The following CELF1 variants were observed in gnomAD, a reference collection of about 807,000 sequenced individuals.
CELF1 encodes the protein 50 kDa nuclear polyadenylated RNA-binding protein.
Under a neutral mutation model 61.8 loss-of-function variants are expected in CELF1, and 10 were observed. That is an observed-to-expected ratio of 0.16 (90% CI 0.10 to 0.27). The LOEUF is 0.27. Among genes scored for constraint, CELF1 ranks in the 10% least tolerant of loss-of-function variants. CELF1 has a pLI of 1.00. For missense variants in CELF1, 380 were observed against 639.1 expected (o/e 0.59, Z 4.37); for synonymous variants, 236 against 225.1 (o/e 1.05, Z -0.43).
At chr11:47,544,556 C>T (rs1194625294) in intron 1 of CELF1, among the ~76,000 whole-genome samples, 3 of 152,170 alleles carry the variant, frequency 2.0e-5, no homozygotes, top group Non-Finnish European at 4.4e-5. Flanking sequence ...TCAAGGATTC[C>T]ACAATCAAAA....
chr11:47,559,118 C>T (rs868706944), intron 2 of CELF1, among the ~76,000 whole-genome samples: 8 of 144,956 alleles, frequency 5.5e-5, no homozygotes, highest in African/African-American at 7.7e-5. Context: ...TTTTTTGAGA[C>T]GGAGTCTTGC....
chr11:47,552,612 G>C (rs562369858), intron 1 of CELF1, among the ~76,000 whole-genome samples: 8 of 152,362 alleles, frequency 5.3e-5, no homozygotes, highest in African/African-American at 1.7e-4. Flanking sequence ...GGTGTCCCGG[G>C]CAGGTAGCCT....
intron 1 of CELF1, among the ~76,000 whole-genome samples, chr11:47,545,918 T>A (rs111420901): frequency 0.25 from 29,863 of 119,952 alleles, 3,807 homozygotes; most frequent in African/African-American, 0.39. Context: ...TATATATATT[T>A]TTTTTTTTTT....
At chr11:47,548,024 G>C (rs1353607334) in intron 1 of CELF1, among the ~76,000 whole-genome samples, 1 of 152,160 alleles carries the variant, frequency 6.6e-6, no homozygotes, top group Non-Finnish European at 1.5e-5. Context: ...AAACGGGCCG[G>C]GCACGGTGGC....
At chr11:47,541,754 G>GAA (rs1565904637) in intron 1 of CELF1, among the ~76,000 whole-genome samples, 1 of 11,144 alleles carries the variant, frequency 9.0e-5, no homozygotes, top group African/African-American at 1.8e-4. Context: ...AAGAAAGAAA[G>GAA]AACGAAAGAA....
At chr11:47,545,179 C>T (rs1454592031) in intron 1 of CELF1, among the ~76,000 whole-genome samples, 1 of 151,850 alleles carries the variant, frequency 6.6e-6, no homozygotes, top group Non-Finnish European at 1.5e-5. Context: ...CCTGTAATCC[C>T]AGCACTTTGG....
chr11:47,482,544 G>A, intron 9 of CELF1, 151 bp downstream of exon 9: 2 of 627,456 alleles, frequency 3.2e-6, no homozygotes, highest in Non-Finnish European at 5.4e-6. Flanking sequence ...AGACTAACAG[G>A]ACTAAAAGAA....
chr11:47,515,191 G>C (rs1020745342), intron 1 of CELF1, among the ~76,000 whole-genome samples: 3 of 152,216 alleles, frequency 2.0e-5, no homozygotes, highest in Admixed American at 2.0e-4. Flanking sequence ...AGGCACACCA[G>C]TGTTAAGTAT....
chr11:47,533,203 T>C (rs955195350), intron 1 of CELF1, among the ~76,000 whole-genome samples: 1 of 152,096 alleles, frequency 6.6e-6, no homozygotes, highest in African/African-American at 2.4e-5. Flanking sequence ...GAAGAAATAT[T>C]AGACCAAGCG....
intron 1 of CELF1, among the ~76,000 whole-genome samples, chr11:47,549,361 C>G (rs978274569): frequency 6.6e-6 from 1 of 152,118 alleles, no homozygotes; most frequent in South Asian, 2.1e-4. Context: ...GCTGGAATAC[C>G]TATTTGCACA....
chr11:47,479,847 G>A (rs547591949), intron 9 of CELF1, among the ~76,000 whole-genome samples: 13 of 151,974 alleles, frequency 8.6e-5, no homozygotes, highest in Non-Finnish European at 1.8e-4. Flanking sequence ...CTCTGTCGCC[G>A]CAAATCCTTC....
At position 47,466,811 on chromosome 11, in the gene CELF1, C is replaced by T. The variant is rs920792635; in HGVS notation, c.*5419G>A. ...GCTTCTCAATACACAGGAAGGGGAG[C>T]CTCAGTGCCTCCTGCCAACAGAGGC... On this transcript the variant is annotated 3_prime_UTR_variant, in exon 15 of 15. Coordinates refer to ENST00000687097, the MANE Select transcript of CELF1 (RefSeq NM_001376376.1). 1.3e-5 allele frequency: 2 copies of T among 152,198 alleles called. No homozygotes were observed. The highest frequency in any genetic ancestry group is 2.9e-5 in the Non-Finnish European group (2 of 68,048). 9.4% of individuals were successfully genotyped at this position (152,198 alleles called of 1,614,324 possible). A position where few individuals can be genotyped will look rare whatever the true frequency, so the allele number is the denominator to read the frequency against.
At chr11:47,520,765 T>C (rs112209330) in intron 1 of CELF1, among the ~76,000 whole-genome samples, 2,423 of 152,132 alleles carry the variant, frequency 0.016, 51 homozygotes, top group African/African-American at 0.048. Context: ...GAGCCAAGAT[T>C]GTGCCACTGC....
chr11:47,471,181 G>A lies in CELF1; in HGVS notation c.*1049C>T, dbSNP rs915154291. 6.6e-6 allele frequency: 1 copy of A among 152,100 alleles called. No individual in the cohort carries two copies. The highest frequency in any genetic ancestry group is 1.5e-5 in the Non-Finnish European group (1 of 68,016). The allele number at this position is 152,100 out of a possible 1,614,324, so 9.4% of individuals were successfully genotyped here. A position where few individuals can be genotyped will look rare whatever the true frequency, so the allele number is the denominator to read the frequency against. ...CTGATTCAAGTACACCAAGAAATAA[G>A]CTCCTCCTCCCCCAACTAGATGGTA... is the stretch of plus-strand genomic sequence containing the variant. On this transcript the variant is annotated 3_prime_UTR_variant, in exon 15 of 15. Coordinates refer to ENST00000687097, the MANE Select transcript of CELF1 (RefSeq NM_001376376.1).
intron 1 of CELF1, among the ~76,000 whole-genome samples, chr11:47,515,475 CT>C (rs1320248479): frequency 1.3e-5 from 2 of 152,210 alleles, no homozygotes; most frequent in African/African-American, 4.8e-5. Context: ...CCAAATCTGT[CT>C]TATCTAGTGA....
chr11:47,483,350 C>A (rs1016191019), intron 8 of CELF1, 103 bp downstream of exon 8: 3 of 869,094 alleles, frequency 3.5e-6, no homozygotes, highest in Non-Finnish European at 5.8e-6. Flanking sequence ...GCTGTTTAAC[C>A]TTCTGGGCAA....
At chr11:47,473,583 T>C (rs2078650607) in intron 13 of CELF1, among the ~76,000 whole-genome samples, 1 of 152,132 alleles carries the variant, frequency 6.6e-6, no homozygotes, top group East Asian at 1.9e-4. Context: ...AAAGGGGTTA[T>C]AAACAAAACA....
intron 2 of CELF1, among the ~76,000 whole-genome samples, chr11:47,500,404 A>T (rs1242594490): frequency 1.3e-5 from 2 of 152,224 alleles, no homozygotes; most frequent in Non-Finnish European, 2.9e-5. Flanking sequence ...ATCTGCCAGA[A>T]AATAAAAATG....
chr11:47,550,018 T>C (rs1166360663), intron 1 of CELF1, among the ~76,000 whole-genome samples: 5 of 151,664 alleles, frequency 3.3e-5, no homozygotes, highest in Non-Finnish European at 7.4e-5. Context: ...GGTTTGACCA[T>C]ATTGGCCAGG....
Sources: gnomAD v4.1 joint callset for allele counts (sites outside exome capture counted in the v4.1 genomes callset) on GRCh38, gnomAD v4.1.1 for gene constraint, MANE v1.5 for transcripts, NCBI Gene and HGNC (gene_info 2026-07-23, HGNC 2026-07-21) for gene names.